NIN: variants seen among roughly 807,000 people sequenced by gnomAD.
NIN encodes glycogen synthase kinase 3 beta-interacting protein.
A neutral mutation model predicts 257.6 loss-of-function variants in NIN; 137 were observed. That is an observed-to-expected ratio of 0.53 (90% CI 0.46 to 0.61). NIN has a LOEUF of 0.61. Among genes scored for constraint, NIN ranks in the 20% least tolerant of loss-of-function variants. The probability of loss-of-function intolerance (pLI) is 0.00; values close to 1 mark genes in which losing one functional copy is unlikely to be tolerated. For missense variants in NIN, 2,439 were observed against 2,501.2 expected, an observed-to-expected ratio of 0.98 and a Z score of 0.53; for synonymous variants, 918 against 919.8, an observed-to-expected ratio of 1.00 and a Z score of 0.04.
At chr14:50,768,756 G>A (rs2042607787) in intron 12 of NIN, among the ~76,000 whole-genome samples, 2 of 152,118 alleles carry the variant, frequency 1.3e-5, no homozygotes, top group South Asian at 2.1e-4. Flanking sequence ...TGATTGTAAC[G>A]GATATTTAGC....
chr14:50,792,696 A>G lies in NIN; in HGVS notation c.435+16T>C. The G allele has an allele frequency of 1.9e-6, 3 of 1,614,076 alleles. No individual in the cohort carries two copies. Among genetic ancestry groups the G allele is most frequent in the Non-Finnish European group, 2.5e-6 (3 of 1,179,960 alleles). ...ACACTCATGATCCAGATGAACGTGC[A>G]TGCCCGATTCCTTACCTCACTGCAG... On this transcript the variant is annotated intron_variant, in intron 5 of 30. Transcript: ENST00000530997.
intron 7 of NIN, 76 bp downstream of exon 7, chr14:50,776,873 C>G: frequency 7.4e-7 from 1 of 1,345,612 alleles, no homozygotes; most frequent in Non-Finnish European, 1.0e-6. Flanking sequence ...GAGAGCCACA[C>G]TACAGCTGTT....
rs148619420 is a variant in NIN at position 50,741,659 on chromosome 14, C to T, written c.5371G>A (p.Val1791Met). Residue 1791 changes from valine (V) to methionine (M), a missense_variant, in exon 25 of 31, where the codon GTG (valine) becomes ATG (methionine). Physicochemically the swap from Val to Met is conservative, Grantham distance 21 (BLOSUM62 1). Transcript: ENST00000530997. ...AAAGCCTCCTTTTCCTGCTGAGTCA[C>T]TCGTAGGTCAGATTTCATCCGGGAC... ...QMSRMKSDLR[V>M]TQQEKEALKQ... The T allele has an allele frequency of 1.2e-6, 2 of 1,614,002 alleles. No homozygotes were observed. The highest frequency in any genetic ancestry group is 1.3e-5 in the African/African-American group (1 of 74,928).
intron 3 of NIN, among the ~76,000 whole-genome samples, chr14:50,807,140 G>A (rs992698682): frequency 6.6e-6 from 1 of 152,196 alleles, no homozygotes; most frequent in African/African-American, 2.4e-5. Flanking sequence ...GACCAGAAGA[G>A]AAAGACGTTA....
intron 12 of NIN, among the ~76,000 whole-genome samples, chr14:50,767,642 C>A (rs1042050089): frequency 6.6e-6 from 1 of 151,890 alleles, no homozygotes; most frequent in Non-Finnish European, 1.5e-5. Flanking sequence ...ACGGTGAAAC[C>A]CCGTCTCTAC....
intron 4 of NIN, among the ~76,000 whole-genome samples, chr14:50,794,041 G>A (rs958307950): frequency 1.9e-4 from 29 of 151,230 alleles, no homozygotes; most frequent in African/African-American, 5.3e-4. Flanking sequence ...TTATGTACAC[G>A]TATTATAAAA....
intron 30 of NIN, chr14:50,724,275 ATTG>A (rs1370251915): frequency 4.8e-6 from 1 of 208,894 alleles, no homozygotes; most frequent in Non-Finnish European, 9.7e-6. Context: ...GGATACTTTC[ATTG>A]TTGTTCTGGT....
At position 50,759,803 on chromosome 14, in the gene NIN, T is replaced by A. The variant is rs571335061; in HGVS notation, c.2399+54A>T. ...CGCGCCCAGCCACAACTGGCACTTCTAATGCCCCGAGGGATGGTGCCCCAG... is the reference window on the plus strand; with the variant it reads ...CGCGCCCAGCCACAACTGGCACTTCAAATGCCCCGAGGGATGGTGCCCCAG... On this transcript the variant is annotated intron_variant, in intron 17 of 30. Coordinates refer to ENST00000530997, the MANE Select transcript of NIN (RefSeq NM_020921.4). The A allele has an allele frequency of 1.5e-3, 2,302 of 1,541,316 alleles. 5 individuals are homozygous for A. The highest frequency in any genetic ancestry group is 1.8e-3 in the Non-Finnish European group (2,041 of 1,152,232).
At chr14:50,755,008 G>A (rs1199594159) in intron 18 of NIN, 141 bp from the exon 19 acceptor site, 3 of 532,092 alleles carry the variant, frequency 5.6e-6, no homozygotes, top group Non-Finnish European at 9.9e-6. Flanking sequence ...CTTAGTATTT[G>A]GAAATCGAGT....
At chr14:50,772,215 A>G (rs1318995858) in intron 9 of NIN, 86 bp downstream of exon 9, 1 of 1,254,240 alleles carries the variant, frequency 8.0e-7, no homozygotes, top group South Asian at 1.5e-5. Flanking sequence ...GAAGAAAGAA[A>G]ATCAAATCAC....
chr14:50,826,095 A>T (rs1347479827), intron 2 of NIN, among the ~76,000 whole-genome samples: 4 of 152,222 alleles, frequency 2.6e-5, no homozygotes, highest in Non-Finnish European at 5.9e-5. Flanking sequence ...AGTATGTATA[A>T]TCTGTGCAAT....
intron 12 of NIN, among the ~76,000 whole-genome samples, 174 bp from the exon 13 acceptor site, chr14:50,767,064 TAAC>T (rs1177460328): frequency 6.6e-6 from 1 of 152,224 alleles, no homozygotes; most frequent in Admixed American, 6.5e-5. Context: ...ATCTATTTTA[TAAC>T]AACAAAATAA....
intron 28 of NIN, among the ~76,000 whole-genome samples, chr14:50,734,851 ATTTTTT>A (rs761296440): frequency 7.4e-6 from 1 of 135,446 alleles, no homozygotes; most frequent in Non-Finnish European, 1.6e-5. Flanking sequence ...TAATTTTTGT[ATTTTTT>A]TTTTTTTTTG....
chr14:50,748,920 A>G lies in NIN; in HGVS notation c.4951-815T>C, dbSNP rs11844478. Among the ~76,000 whole-genome samples, 1,037 of 152,356 alleles carry G rather than the reference A, an allele frequency of 6.8e-3. 15 individuals are homozygous for G. The highest frequency in any genetic ancestry group is 0.023 in the African/African-American group (958 of 41,582). On this transcript the variant is annotated intron_variant, in intron 21 of 30. Coordinates refer to ENST00000530997, the MANE Select transcript of NIN (RefSeq NM_020921.4). ...TTATAGATTCGGTGCTATTCCCATC[A>G]AGCTACCATTGACTTTCTTCACAGA...
At chr14:50,775,725 T>C (rs1172806500) in intron 7 of NIN, among the ~76,000 whole-genome samples, 3 of 152,216 alleles carry the variant, frequency 2.0e-5, no homozygotes, top group Admixed American at 2.0e-4. Flanking sequence ...CTACAGTTTA[T>C]TCCAAGAATT....
In NIN at chr14:50,730,860, T is replaced by A. The variant is rs905442673; in HGVS notation, c.5878-1137A>T. On this transcript the variant is annotated intron_variant, in intron 28 of 30. Transcript: ENST00000530997. ...ACTGTTACAATCAACAGAAATAACA[T>A]GAGCAAGGGGTTTAATGAGATGGCT... The A allele has an allele frequency of 8.1e-6, 10 of 1,239,968 alleles. No homozygotes were observed. The African/African-American group carries it at 1.4e-4, about 17-fold the overall frequency. The allele number at this position is 1,239,968 out of a possible 1,614,324, so 76.8% of individuals were successfully genotyped here.
intron 25 of NIN, among the ~76,000 whole-genome samples, chr14:50,740,531 GT>G (rs781059472): frequency 6.6e-6 from 1 of 151,812 alleles, no homozygotes; most frequent in Non-Finnish European, 1.5e-5. Flanking sequence ...TTTATTTTTA[GT>G]AGAGATGGGG....
At chr14:50,735,749 A>G (rs1292640542) in intron 27 of NIN, 132 bp from the exon 28 acceptor site, 2 of 1,163,306 alleles carry the variant, frequency 1.7e-6, no homozygotes, top group East Asian at 2.6e-5. Context: ...TTCAGTGACA[A>G]ACAAATAATA....
intron 7 of NIN, among the ~76,000 whole-genome samples, chr14:50,774,429 C>T (rs2042844529): frequency 6.6e-6 from 1 of 152,168 alleles, no homozygotes; most frequent in South Asian, 2.1e-4. Context: ...ACGACTTCCT[C>T]TGGAGGGAAC....
Sources: gnomAD v4.1 joint callset for allele counts (sites outside exome capture counted in the v4.1 genomes callset) on GRCh38, gnomAD v4.1.1 for gene constraint, MANE v1.5 for transcripts, NCBI Gene and HGNC (gene_info 2026-07-23, HGNC 2026-07-21) for gene names.